CELF2: variants seen among roughly 807,000 people sequenced by gnomAD.
CELF2 encodes CUG triplet repeat RNA-binding protein 2.
Under a neutral mutation model 62.6 loss-of-function variants are expected in CELF2, and 8 were observed. The ratio of observed to expected loss-of-function variants is 0.13; its 90% CI spans 0.07 to 0.23. The LOEUF (loss-of-function observed/expected upper bound fraction) is 0.23. Among genes scored for constraint, CELF2 ranks in the 10% least tolerant of loss-of-function variants. The pLI, the probability that CELF2 is intolerant of heterozygous loss-of-function variation, is 1.00. For synonymous variants in CELF2, 258 were observed against 250.0 expected, an observed-to-expected ratio of 1.03 and a Z score of -0.30; for missense variants, 333 against 671.0, an observed-to-expected ratio of 0.50 and a Z score of 5.56.
chr10:10,893,455 T>A (rs1408657563), intron 1 of CELF2, among the ~76,000 whole-genome samples: 1 of 152,154 alleles, frequency 6.6e-6, no homozygotes, highest in Non-Finnish European at 1.5e-5. Flanking sequence ...AAGTCACCAC[T>A]GTGGACTTGT....
chr10:11,285,794 C>T lies in CELF2; in HGVS notation c.842-2624C>T, dbSNP rs1169071017. Among the ~76,000 whole-genome samples the T allele has an allele frequency of 1.3e-5, 2 of 150,542 alleles. No homozygotes were observed. Among genetic ancestry groups the T allele is most frequent in the Non-Finnish European group, 2.9e-5 (2 of 67,810 alleles). On this transcript the variant is annotated intron_variant, in intron 8 of 12. Transcript: ENST00000633077. The surrounding 1 kb of genome is among the most constrained non-coding windows in gnomAD (Gnocchi z 4.3). ...TCTGTTACCCTGTTTGTTTGTCTTA[C>T]ATAGATTTGCTCATCACCTACTATA...
At chr10:10,799,568 T>C (rs2054439907) in intron 1 of CELF2, among the ~76,000 whole-genome samples, 1 of 152,004 alleles carries the variant, frequency 6.6e-6, no homozygotes, top group South Asian at 2.1e-4. Flanking sequence ...CAAGGGAAAC[T>C]TGGTTTCCTC....
At chr10:10,499,650 C>G in the CELF2 span, among the ~76,000 whole-genome samples, 1 of 152,082 alleles carries the variant, frequency 6.6e-6, no homozygotes, top group Non-Finnish European at 1.5e-5. Flanking sequence ...GAGGCCAAGG[C>G]GGGCAGATCA....
rs370909917 is a variant in CELF2, at chr10:11,302,810, G to A, written c.977-11329G>A. On this transcript the variant is annotated intron_variant, in intron 9 of 12. Transcript: ENST00000633077. The surrounding 1 kb of genome is among the most constrained non-coding windows in gnomAD (Gnocchi z 5.0). ...TGACATGAGATTTTCACATTGTTCC[G>A]CTGTGCTGCGGACAGTGGAAGTTGG... Among the ~76,000 whole-genome samples, 2 of 152,148 alleles carry A rather than the reference G, an allele frequency of 1.3e-5. No individual in the cohort carries two copies. The highest frequency in any genetic ancestry group is 2.4e-5 in the African/African-American group (1 of 41,428).
chr10:10,821,404 A>T (rs2056950986), intron 1 of CELF2, among the ~76,000 whole-genome samples: 1 of 152,198 alleles, frequency 6.6e-6, no homozygotes, highest in Non-Finnish European at 1.5e-5. Context: ...AGTACCAGGG[A>T]CAGAGGTTTG....
intron 1 of CELF2, among the ~76,000 whole-genome samples, chr10:11,125,940 C>T (rs1332552717): frequency 4.6e-5 from 7 of 152,144 alleles, no homozygotes; most frequent in South Asian, 4.1e-4. Flanking sequence ...GTAAACAATT[C>T]GTCTCATTTT....
the CELF2 span, among the ~76,000 whole-genome samples, chr10:10,656,585 A>G: frequency 8.9e-5 from 12 of 134,620 alleles, no homozygotes; most frequent in South Asian, 2.5e-3. Flanking sequence ...CATGGATGAA[A>G]TTGGAAATCA....
At chr10:10,489,769 G>A in the CELF2 span, among the ~76,000 whole-genome samples, 19 of 149,672 alleles carry the variant, frequency 1.3e-4, no homozygotes, top group African/African-American at 3.9e-4. Context: ...AAAACGTGAC[G>A]AAAATCAGCA....
the CELF2 span, among the ~76,000 whole-genome samples, chr10:10,621,981 G>A: frequency 2.0e-5 from 3 of 152,200 alleles, no homozygotes; most frequent in African/African-American, 7.2e-5. Context: ...CTCACATAGA[G>A]CCTTGAGAAT....
At chr10:11,206,239 CTT>C (rs2060400175) in intron 2 of CELF2, among the ~76,000 whole-genome samples, 1 of 152,140 alleles carries the variant, frequency 6.6e-6, no homozygotes, top group African/African-American at 2.4e-5. Flanking sequence ...GAAGTGGAGA[CTT>C]GAGAGATCGG....
chr10:11,261,975 G>T (rs938947538), intron 5 of CELF2, among the ~76,000 whole-genome samples: 3 of 152,014 alleles, frequency 2.0e-5, no homozygotes, highest in African/African-American at 7.2e-5. Flanking sequence ...GGCTATTTAG[G>T]TACAGGGTTT....
chr10:11,142,711 G>A (rs1431333195), intron 1 of CELF2, among the ~76,000 whole-genome samples: 2 of 149,940 alleles, frequency 1.3e-5, no homozygotes, highest in Non-Finnish European at 3.0e-5. Context: ...AAAGCAGATG[G>A]GCTGTCATAA....
the CELF2 span, among the ~76,000 whole-genome samples, chr10:10,518,392 GTAGA>G: frequency 1.0e-3 from 159 of 152,326 alleles, 1 homozygote; most frequent in East Asian, 0.025. Flanking sequence ...GAAATAGACA[GTAGA>G]TGGCAGGAGA....
chr10:10,897,063 G>GA (rs1273510230), intron 1 of CELF2, among the ~76,000 whole-genome samples: 1 of 152,100 alleles, frequency 6.6e-6, no homozygotes, highest in African/African-American at 2.4e-5. Flanking sequence ...CACCATGACA[G>GA]AAAAAAGCCT....
intron 2 of CELF2, among the ~76,000 whole-genome samples, chr10:11,168,607 C>G: frequency 6.6e-6 from 1 of 152,188 alleles, no homozygotes; most frequent in East Asian, 1.9e-4. Flanking sequence ...ACTAGAATTA[C>G]TGGAGGTGGT....
the CELF2 span, among the ~76,000 whole-genome samples, chr10:10,552,543 A>C: frequency 1.2e-4 from 18 of 152,298 alleles, no homozygotes; most frequent in African/African-American, 4.1e-4. Flanking sequence ...GAAGGATAAA[A>C]AAGCTAAATG....
At chr10:10,967,383 G>A (rs1237064576) in intron 2 of CELF2, among the ~76,000 whole-genome samples, 1 of 152,186 alleles carries the variant, frequency 6.6e-6, no homozygotes, top group Non-Finnish European at 1.5e-5. Context: ...TTTAGACTAG[G>A]CTTGACTGAA....
rs374699778 is a variant in CELF2, at chr10:11,009,470, GT to G, written c.53+4032del. The stretch of plus-strand genomic sequence containing the variant: ...AACACACCATTCTGCTTCATGGAAC[GT>G]TGTCAGCAATTATCAGGTACAGGTG... On this transcript the variant is annotated intron_variant, in intron 1 of 12. Coordinates refer to the CELF2 transcript ENST00000416382. Among the ~76,000 whole-genome samples the G allele has an allele frequency of 3.0e-4, 45 of 152,266 alleles. No homozygotes were observed. The East Asian group carries it at 5.4e-3, about 18-fold the overall frequency.
the CELF2 span, among the ~76,000 whole-genome samples, chr10:10,719,819 G>T: frequency 1.3e-5 from 2 of 152,184 alleles, no homozygotes; most frequent in Non-Finnish European, 2.9e-5. Context: ...ATAGCCTCCA[G>T]TACATAGTAA....
Sources: gnomAD v4.1 joint callset for allele counts (sites outside exome capture counted in the v4.1 genomes callset) on GRCh38, gnomAD v4.1.1 for gene constraint, Gnocchi (gnomAD v3.1) non-coding constraint, MANE v1.5 for transcripts, NCBI Gene and HGNC (gene_info 2026-07-23, HGNC 2026-07-21) for gene names.